The following RASEF variants were observed in gnomAD, a reference collection of about 807,000 sequenced individuals.
RASEF encodes the protein ras and EF-hand domain-containing protein.
A neutral mutation model predicts 90.1 loss-of-function variants in RASEF; 68 were observed. The ratio of observed to expected loss-of-function variants is 0.75; its 90% confidence interval spans 0.62 to 0.92. RASEF has a LOEUF of 0.92. RASEF is among the 40% of genes least tolerant of loss of function. The pLI is 0.00. For missense variants in RASEF, 949 were observed against 937.2 expected (o/e 1.01, Z -0.16); for synonymous variants, 331 against 345.2 (o/e 0.96, Z 0.46).
At chr9:83,202,366 T>C in the RASEF span, among the ~76,000 whole-genome samples, 2 of 152,200 alleles carry the variant, frequency 1.3e-5, no homozygotes. Flanking sequence ...ATATTCATAA[T>C]GAAAAACAAT....
chr9:83,193,879 A>G, the RASEF span, among the ~76,000 whole-genome samples: 2 of 152,296 alleles, frequency 1.3e-5, no homozygotes, highest in South Asian at 4.1e-4. Flanking sequence ...CATTCAATAA[A>G]GCTCCCCCAA....
At chr9:83,065,293 C>G (rs1168365228), upstream of RASEF, among the ~76,000 whole-genome samples, 1 of 152,116 alleles carries the variant, frequency 6.6e-6, no homozygotes, top group Non-Finnish European at 1.5e-5. Flanking sequence ...GGTGGTTTGT[C>G]TGCTGGCTTG....
At chr9:82,996,638 C>T (rs987330588) in intron 14 of RASEF, among the ~76,000 whole-genome samples, 4 of 152,162 alleles carry the variant, frequency 2.6e-5, no homozygotes, top group Non-Finnish European at 5.9e-5. Context: ...TTCCCATGCC[C>T]GTGGATGCCC....
intron 5 of RASEF, among the ~76,000 whole-genome samples, chr9:83,010,859 A>G (rs944503581): frequency 3.9e-5 from 6 of 152,116 alleles, no homozygotes; most frequent in Non-Finnish European, 7.3e-5. Flanking sequence ...ACACCGTCCC[A>G]CAGGATCCTA....
the RASEF span, among the ~76,000 whole-genome samples, chr9:83,176,293 A>G: frequency 2.0e-5 from 3 of 152,128 alleles, no homozygotes; most frequent in African/African-American, 7.2e-5. Context: ...TGTTTGTCTC[A>G]TATTAGTCTA....
chr9:83,001,084 G>A lies in RASEF; in HGVS notation c.1249C>T (p.Leu417Phe), dbSNP rs367720670. ...TTTGTCCTCTGCAGAGGATCACAGA[G>A]GGCCAGGGAGTCACAGTCCTCATCC... ...YVDEDCDSLA[L>F]CDPLQRTNCE... Residue 417 changes from leucine (L) to phenylalanine (F), a missense_variant, in exon 10 of 17, where the codon CTC becomes TTC. By Grantham distance (22) the Leu-to-Phe change is conservative. Coordinates refer to ENST00000376447, the MANE Select transcript of RASEF (RefSeq NM_152573.4). 1.2e-5 allele frequency: 19 copies of A among 1,614,162 alleles called. 1 individual carries two copies. The highest frequency in any genetic ancestry group is 1.1e-4 in the African/African-American group (8 of 75,036).
At chr9:83,192,776 C>T in the RASEF span, among the ~76,000 whole-genome samples, 2 of 146,944 alleles carry the variant, frequency 1.4e-5, no homozygotes, top group Admixed American at 1.4e-4. Context: ...AAGATAATGA[C>T]AACAGTGATA....
intron 5 of RASEF, among the ~76,000 whole-genome samples, chr9:83,011,807 A>C (rs949826637): frequency 1.6e-4 from 25 of 152,096 alleles, no homozygotes; most frequent in Non-Finnish European, 1.3e-4. Flanking sequence ...AAAAATCTGG[A>C]ACTAGGAATT....
In RASEF at chr9:83,000,569, AC is replaced by A; in HGVS notation, c.1438del (p.Val480PhefsTer4). The A allele has an allele frequency of 6.3e-7, 1 of 1,582,568 alleles. No individual in the cohort carries two copies. Among genetic ancestry groups the A allele is most frequent in the Non-Finnish European group, 8.6e-7 (1 of 1,169,084 alleles). ...TGTCTCTTCATCCCTTATGTCAGGAACCTATTTTTTTTAAAATGTCAGCAGT... is the reference window on the plus strand; with the variant it reads ...TGTCTCTTCATCCCTTATGTCAGGAACTATTTTTTTTAAAATGTCAGCAGT... ...SFGGDASDTDVPDIRDEETFG... is the reference protein window; with the variant it reads ...SFGGDASDTDXPDIRDEETFG... On this transcript the variant is annotated frameshift_variant and splice_region_variant, in exon 11 of 17. Transcript: ENST00000376447. LOFTEE classifies it high-confidence loss of function.
At chr9:82,987,765 G>C (rs1828734337) in intron 16 of RASEF, among the ~76,000 whole-genome samples, 1 of 152,166 alleles carries the variant, frequency 6.6e-6, no homozygotes, top group Non-Finnish European at 1.5e-5. Flanking sequence ...GAATTAGAAA[G>C]GACCTTTGAG....
chr9:83,125,436 C>T, the RASEF span, among the ~76,000 whole-genome samples: 128 of 152,274 alleles, frequency 8.4e-4, no homozygotes, highest in South Asian at 1.0e-3. Flanking sequence ...TTAAGCCATT[C>T]GGAATATGGC....
At chr9:83,042,231 G>T (rs944280289) in intron 1 of RASEF, among the ~76,000 whole-genome samples, 2 of 152,076 alleles carry the variant, frequency 1.3e-5, no homozygotes, top group Non-Finnish European at 2.9e-5. Context: ...TGCTTTAAAT[G>T]CAAGAACTAT....
upstream of RASEF, among the ~76,000 whole-genome samples, chr9:83,067,158 G>A (rs1830287974): frequency 6.6e-6 from 1 of 152,112 alleles, no homozygotes; most frequent in Non-Finnish European, 1.5e-5. Context: ...ACTTAACACT[G>A]CAGTTACTTT....
chr9:83,156,028 CT>C, the RASEF span, among the ~76,000 whole-genome samples: 2 of 152,310 alleles, frequency 1.3e-5, no homozygotes, highest in African/African-American at 4.8e-5. Context: ...AGAATAATAT[CT>C]CTTTTGAAGA....
At chr9:83,017,339 A>AAAG (rs1564078602) in intron 3 of RASEF, among the ~76,000 whole-genome samples, 2 of 134,102 alleles carry the variant, frequency 1.5e-5, no homozygotes, top group Non-Finnish European at 1.6e-5. Context: ...AAAAAAAAAA[A>AAAG]AAAGAAAGAA....
At chr9:82,997,901 C>T (rs950591058) in intron 13 of RASEF, among the ~76,000 whole-genome samples, 3 of 152,178 alleles carry the variant, frequency 2.0e-5, no homozygotes, top group Admixed American at 1.3e-4. Context: ...AGATTAAAAT[C>T]TGTGCTTAAT....
chr9:83,069,403 T>C, the RASEF span, among the ~76,000 whole-genome samples: 1 of 152,226 alleles, frequency 6.6e-6, no homozygotes, highest in Admixed American at 6.5e-5. Flanking sequence ...GTGTCTTTTC[T>C]AGAGTTTTAT....
chr9:83,158,760 A>G, the RASEF span, among the ~76,000 whole-genome samples: 1 of 149,556 alleles, frequency 6.7e-6, no homozygotes, highest in Admixed American at 6.7e-5. Flanking sequence ...GCATATATGT[A>G]TATATACACA....
At chr9:82,988,679 C>T (rs2118376057) in intron 16 of RASEF, among the ~76,000 whole-genome samples, 1 of 152,192 alleles carries the variant, frequency 6.6e-6, no homozygotes, top group East Asian at 1.9e-4. Flanking sequence ...CCTCCCCTCT[C>T]CTTGCTCCCT....
Sources: gnomAD v4.1 joint callset for allele counts (sites outside exome capture counted in the v4.1 genomes callset) on GRCh38, gnomAD v4.1.1 for gene constraint, MANE v1.5 for transcripts, NCBI Gene and HGNC (gene_info 2026-07-23, HGNC 2026-07-21) for gene names.